Variants in SNRNP200 observed in about 807,000 individuals in gnomAD.
The protein encoded by SNRNP200 is U5 small nuclear ribonucleoprotein 200 kDa helicase.
A neutral mutation model predicts 255.2 loss-of-function variants in SNRNP200; 66 were observed. The observed-to-expected ratio is 0.26, with a 90% CI of 0.21 to 0.32. The LOEUF (loss-of-function observed/expected upper bound fraction) is 0.32. SNRNP200 is among the 10% of genes least tolerant of loss of function. SNRNP200 has a pLI of 1.00. For synonymous variants in SNRNP200, 939 were observed against 1,027.8 expected, an observed-to-expected ratio of 0.91 and a Z score of 1.65; for missense variants, 1,585 against 2,749.8, an observed-to-expected ratio of 0.58 and a Z score of 9.47.
Position 96,287,409 on chromosome 2 carries a change from T to G in SNRNP200, c.3484+30A>C. ...CAAACTGGGAGAGACACCCAGGCAG[T>G]GAGGACAAGGGCGAGAGCATCCCAC... On this transcript the variant is annotated intron_variant, in intron 26 of 44. Transcript: ENST00000323853. The surrounding 1 kb of genome is among the most constrained non-coding windows in gnomAD (Gnocchi z 5.7). 2 of 1,504,984 alleles carry G rather than the reference T, an allele frequency of 1.3e-6. No homozygotes were observed. The highest frequency in any genetic ancestry group is 1.9e-6 in the Non-Finnish European group (2 of 1,080,522). The allele number at this position is 1,504,984 out of a possible 1,614,324, so 93.2% of individuals were successfully genotyped here.
Position 96,281,829 on chromosome 2 carries a change from T to C in SNRNP200, c.5009A>G (p.Asn1670Ser), listed in dbSNP as rs764387012. Reference sequence around the variant, plus strand: ...TTGTACTCACGCGTGGATCTTGCCATTGTAGTACTGGGTATCCATGATGAT... The same window carrying C: ...TTGTACTCACGCGTGGATCTTGCCACTGTAGTACTGGGTATCCATGATGAT... ...LVIIMDTQYY[N>S]GKIHAYVDYP... The change falls in exon 35 of 45, where the codon AAT becomes AGT. Residue 1670 changes from asparagine to serine, a missense_variant. Asn to Ser is a conservative substitution (Grantham distance 46). Transcript: ENST00000323853. 3 of 1,613,354 alleles carry C rather than the reference T, an allele frequency of 1.9e-6. No homozygotes were observed. The highest frequency in any genetic ancestry group is 2.5e-6 in the Non-Finnish European group (3 of 1,179,424).
Position 96,298,058 on chromosome 2 carries a change from C to T in SNRNP200, c.1119+226G>A, listed in dbSNP as rs140058964. ...ACCATGGATTTACTGTGTAAATAAA[C>T]AATAAAGGTCCCCACAGTGCTGGTG... is the stretch of plus-strand genomic sequence containing the variant. On this transcript the variant is annotated intron_variant, in intron 9 of 44. Coordinates refer to ENST00000323853, the MANE Select transcript of SNRNP200 (RefSeq NM_014014.5). Among the ~76,000 whole-genome samples the T allele has an allele frequency of 3.7e-4, 56 of 152,304 alleles. No homozygotes were observed. In the South Asian group the frequency reaches 6.4e-3, roughly 17 times the overall value.
chr2:96,279,557 T>C lies in SNRNP200; in HGVS notation c.5027A>G (p.Tyr1676Cys). The change falls in exon 36 of 45, where the codon TAT (tyrosine) becomes TGT (cysteine). Residue 1676 changes from tyrosine (Y) to cysteine (C), a missense_variant and splice_region_variant. Tyr to Cys is a radical substitution (Grantham distance 194). Transcript: ENST00000323853. Reference sequence around the variant, plus strand: ...CACGTCATAGATGGGGTAATCCACATAGCTGGTGACAGAAGCAGGGAAAGA... The same window carrying C: ...CACGTCATAGATGGGGTAATCCACACAGCTGGTGACAGAAGCAGGGAAAGA... ...TQYYNGKIHAYVDYPIYDVLQ... is the reference protein window; with the variant it reads ...TQYYNGKIHACVDYPIYDVLQ... 6.2e-7 allele frequency: 1 copy of C among 1,608,318 alleles called. No homozygotes were observed. The highest frequency in any genetic ancestry group is 8.5e-7 in the Non-Finnish European group (1 of 1,175,004).
intron 35 of SNRNP200, among the ~76,000 whole-genome samples, chr2:96,280,690 C>T (rs1226135146): frequency 1.3e-5 from 2 of 151,726 alleles, no homozygotes; most frequent in Non-Finnish European, 2.9e-5. Flanking sequence ...GCTGGGATTA[C>T]AGGCGCGTGC....
Position 96,287,581 on chromosome 2 carries a change from G to C in SNRNP200, c.3366-24C>G, listed in dbSNP as rs1483011381. ...ACCTATCCAGGAAGGAGGCAAAGCTGTTGGTCCCTTCTGCAGGGATGTGAC... is the reference window on the plus strand; with the variant it reads ...ACCTATCCAGGAAGGAGGCAAAGCTCTTGGTCCCTTCTGCAGGGATGTGAC... On this transcript the variant is annotated intron_variant, in intron 25 of 44. Coordinates refer to ENST00000323853, the MANE Select transcript of SNRNP200 (RefSeq NM_014014.5). This position sits in a 1 kb window ranked among gnomAD's most constrained non-coding sequence, Gnocchi z 5.7. The C allele has an allele frequency of 2.6e-6, 4 of 1,563,120 alleles. No individual in the cohort carries two copies. In the African/African-American group the frequency reaches 4.1e-5, roughly 16 times the overall value.
intron 31 of SNRNP200, 85 bp from the exon 32 acceptor site, chr2:96,284,089 G>A (rs1039102260): frequency 1.6e-6 from 2 of 1,289,912 alleles, no homozygotes; most frequent in African/African-American, 1.5e-5. Context: ...CAGCCCAACA[G>A]CCTCAAAATG....
At chr2:96,300,640 A>G (rs921642576) in intron 5 of SNRNP200, among the ~76,000 whole-genome samples, 5 of 151,988 alleles carry the variant, frequency 3.3e-5, no homozygotes, top group African/African-American at 1.2e-4. Flanking sequence ...GCGGGCGCCT[A>G]TAGTCCCAGC....
chr2:96,279,207 GC>G, intron 36 of SNRNP200: 1 of 648,636 alleles, frequency 1.5e-6, no homozygotes, highest in South Asian at 1.8e-5. Context: ...GCAGTGAGCA[GC>G]CCAAGGAGGA....
At chr2:96,295,415 A>T in intron 14 of SNRNP200, 73 bp downstream of exon 14, 1 of 1,579,820 alleles carries the variant, frequency 6.3e-7, no homozygotes, top group Middle Eastern at 2.2e-4. Context: ...GCAAAGAAAC[A>T]TTTCGCATGA....
Position 96,287,087 on chromosome 2 carries a change from C to G in SNRNP200, c.3558G>C (p.Leu1186Phe). 6.2e-7 allele frequency: 1 copy of G among 1,614,176 alleles called. No homozygotes were observed. The highest frequency in any genetic ancestry group is 8.5e-7 in the Non-Finnish European group (1 of 1,179,998). ...GTGTGATAGGCTGCAGGTGCACTGA[C>G]AACTCCAACTTGGGAAACAGATGGA... ...KYVHLFPKLE[L>F]SVHLQPITRS... The change falls in exon 27 of 45, where the codon TTG (leucine) becomes TTC (phenylalanine). Residue 1186 changes from leucine (L) to phenylalanine (F), a missense_variant. Leu to Phe is a conservative substitution (Grantham distance 22). Around this residue, in one of 9 missense-constraint regions of SNRNP200, gnomAD observed 719 missense variants for 1,091.1 expected, o/e 0.66. Coordinates refer to ENST00000323853, the MANE Select transcript of SNRNP200 (RefSeq NM_014014.5). The surrounding 1 kb of genome is among the most constrained non-coding windows in gnomAD (Gnocchi z 5.7).
intron 36 of SNRNP200, 70 bp from the exon 37 acceptor site, chr2:96,279,068 A>G: frequency 1.6e-6 from 2 of 1,261,592 alleles, no homozygotes; most frequent in Non-Finnish European, 2.3e-6. Flanking sequence ...GCCAAGGGCA[A>G]ATCAACAGGG....
Position 96,276,572 on chromosome 2 carries a change from C to A in SNRNP200, c.6174+332G>T, listed in dbSNP as rs542173465. ...GAGTAGCTGGGACTACAGGTGCCCA[C>A]CACCACGCACAGCTAATTTTTGTAT... On this transcript the variant is annotated intron_variant, in intron 43 of 44. Coordinates refer to ENST00000323853, the MANE Select transcript of SNRNP200 (RefSeq NM_014014.5). The A allele has an allele frequency of 4.5e-5, 16 of 358,992 alleles. No individual in the cohort carries two copies. The East Asian group carries it at 1.1e-3, about 26-fold the overall frequency. 22.2% of individuals were successfully genotyped at this position (358,992 alleles called of 1,614,324 possible).
chr2:96,279,820 A>C, intron 35 of SNRNP200: 1 of 437,718 alleles, frequency 2.3e-6, no homozygotes, highest in Middle Eastern at 6.7e-4. Context: ...ATCTAATGCC[A>C]AAACCAAAAT....
chr2:96,277,933 G>A lies in SNRNP200; in HGVS notation c.5628C>T (p.Pro1876=), dbSNP rs1342039076. Residue 1876 remains proline, a synonymous_variant, in exon 40 of 45, where the codon CCC becomes CCT. Coordinates refer to ENST00000323853, the MANE Select transcript of SNRNP200 (RefSeq NM_014014.5). This position sits in a 1 kb window ranked among gnomAD's most constrained non-coding sequence, Gnocchi z 4.4. ...NLLRQLAQKV[P]HKLNNPKFND... The stretch of plus-strand genomic sequence containing the variant: ...TGAACTTAGGGTTATTCAGCTTGTG[G>A]GGGACCTTCTGAGCCAACTACAAAG... The A allele has an allele frequency of 1.2e-6, 2 of 1,614,100 alleles. No homozygotes were observed. Among genetic ancestry groups the A allele is most frequent in the Non-Finnish European group, 8.5e-7 (1 of 1,180,046 alleles).
At chr2:96,285,705 C>A (rs1253891266) in intron 29 of SNRNP200, among the ~76,000 whole-genome samples, 3 of 152,226 alleles carry the variant, frequency 2.0e-5, no homozygotes, top group Admixed American at 6.5e-5. Context: ...TCAACACTCT[C>A]CTGCGTTTCC....
chr2:96,282,533 G>C (rs941455311), intron 34 of SNRNP200: 1 of 176,818 alleles, frequency 5.7e-6, no homozygotes, highest in Admixed American at 5.4e-5. Flanking sequence ...AAATCTCGTC[G>C]ACCTGTAGTC....
Position 96,276,877 on chromosome 2 carries a change from C to T in SNRNP200, c.6174+27G>A. On this transcript the variant is annotated intron_variant, in intron 43 of 44. Coordinates refer to ENST00000323853, the MANE Select transcript of SNRNP200 (RefSeq NM_014014.5). ...GCCAATGGATAGGGTGAGTTGACACCTGACCAAGCCAGCTACCAGGACGCA... is the reference window on the plus strand; with the variant it reads ...GCCAATGGATAGGGTGAGTTGACACTTGACCAAGCCAGCTACCAGGACGCA... 3.1e-6 allele frequency: 5 copies of T among 1,613,136 alleles called. No individual in the cohort carries two copies. In the Admixed American group the frequency reaches 6.7e-5, roughly 22 times the overall value.
In SNRNP200 at chr2:96,274,914, G is replaced by A; in HGVS notation, c.*98C>T. ...ACCAGCCCTGGCTGGCCAGACCTGAGGCCCACAGACCTGGTCCCCACAACC... is the reference window on the plus strand; with the variant it reads ...ACCAGCCCTGGCTGGCCAGACCTGAAGCCCACAGACCTGGTCCCCACAACC... On this transcript the variant is annotated 3_prime_UTR_variant, in exon 45 of 45. Transcript: ENST00000323853. 3.5e-6 allele frequency: 5 copies of A among 1,438,112 alleles called. No individual in the cohort carries two copies. Among genetic ancestry groups the A allele is most frequent in the South Asian group, 1.1e-5 (1 of 87,044 alleles). The allele number at this position is 1,438,112 out of a possible 1,614,324, so 89.1% of individuals were successfully genotyped here.
chr2:96,299,264 TG>T (rs2063938070), intron 6 of SNRNP200, 64 bp downstream of exon 6: 3 of 1,422,260 alleles, frequency 2.1e-6, no homozygotes, highest in Non-Finnish European at 3.0e-6. Context: ...GACCTAGGCA[TG>T]GGGAAGAAGC....
Sources: gnomAD v4.1 joint callset for allele counts (sites outside exome capture counted in the v4.1 genomes callset) on GRCh38, gnomAD v4.1.1 for gene constraint, gnomAD v4.1.1 regional missense constraint, Gnocchi (gnomAD v3.1) non-coding constraint, MANE v1.5 for transcripts, NCBI Gene and HGNC (gene_info 2026-07-23, HGNC 2026-07-21) for gene names.